Variants in ROBO1 observed in about 807,000 individuals in gnomAD.
ROBO1 encodes the protein roundabout guidance receptor 1.
Under a neutral mutation model 195.9 loss-of-function variants are expected in ROBO1, and 149 were observed. The ratio of observed to expected loss-of-function variants is 0.76; its 90% CI spans 0.67 to 0.87. The LOEUF (loss-of-function observed/expected upper bound fraction) is 0.87. ROBO1 is among the 40% of genes least tolerant of loss of function. The pLI is 0.00. For synonymous variants in ROBO1, 816 were observed against 733.2 expected (o/e 1.11, Z -1.82); for missense variants, 1,933 against 2,068.3 (o/e 0.93, Z 1.27).
chr3:78,724,403 C>G (rs1027790078), intron 5 of ROBO1, among the ~76,000 whole-genome samples: 1 of 151,364 alleles, frequency 6.6e-6, no homozygotes, highest in Non-Finnish European at 1.5e-5. Flanking sequence ...TGGTCAGGCA[C>G]AGTGGCTCAC....
chr3:79,135,485 A>C (rs1315906991), intron 2 of ROBO1, among the ~76,000 whole-genome samples: 2 of 152,206 alleles, frequency 1.3e-5, no homozygotes, highest in African/African-American at 2.4e-5. Context: ...AAGTTTCCAG[A>C]AAAAATAACA....
intron 2 of ROBO1, among the ~76,000 whole-genome samples, chr3:79,452,385 C>A (rs574520347): frequency 6.6e-6 from 1 of 152,226 alleles, no homozygotes; most frequent in South Asian, 2.1e-4. Flanking sequence ...GAGAGGCCTT[C>A]TCTTATCTCC....
intron 2 of ROBO1, among the ~76,000 whole-genome samples, chr3:79,300,157 G>A (rs2032831385): frequency 2.6e-5 from 4 of 152,210 alleles, no homozygotes; most frequent in African/African-American, 9.6e-5. Context: ...TGCAGTGTGG[G>A]AGCCCCTTCC....
chr3:79,356,752 G>A (rs2035569284), intron 2 of ROBO1, among the ~76,000 whole-genome samples: 1 of 152,116 alleles, frequency 6.6e-6, no homozygotes, highest in African/African-American at 2.4e-5. Context: ...AAATGTGCTA[G>A]TGTGTAGTTT....
intron 3 of ROBO1, among the ~76,000 whole-genome samples, chr3:78,958,112 A>G (rs190526058): frequency 3.3e-5 from 5 of 152,328 alleles, no homozygotes; most frequent in East Asian, 3.9e-4. Context: ...TGAAAAAATA[A>G]GAGGATTTTT....
intron 3 of ROBO1, among the ~76,000 whole-genome samples, chr3:79,049,212 T>A (rs182703752): frequency 6.6e-6 from 1 of 152,152 alleles, no homozygotes; most frequent in Non-Finnish European, 1.5e-5. Context: ...AGTGACCTGA[T>A]GGAGCTCAAA....
rs186296379 is a variant in ROBO1 at position 79,291,448 on chromosome 3, T to A, written c.89-165909A>T. ...TAATTTCAAAAATCATCTTCCAGAATCTACCTTAAGCCCATACCTTTTATT... is the reference window on the plus strand; with the variant it reads ...TAATTTCAAAAATCATCTTCCAGAAACTACCTTAAGCCCATACCTTTTATT... On this transcript the variant is annotated intron_variant, in intron 2 of 30. Transcript: ENST00000464233. 2.5e-3 allele frequency among the ~76,000 whole-genome samples: 376 copies of A among 152,296 alleles called. 19 individuals are homozygous for A. The South Asian group carries it at 0.076, about 31-fold the overall frequency.
At chr3:79,068,101 A>G (rs1465443385) in intron 3 of ROBO1, among the ~76,000 whole-genome samples, 3 of 151,936 alleles carry the variant, frequency 2.0e-5, no homozygotes, top group Non-Finnish European at 4.4e-5. Context: ...GCCCTATGTT[A>G]TTGGCCACAT....
chr3:79,467,825 G>A (rs1938050444), intron 2 of ROBO1, among the ~76,000 whole-genome samples: 1 of 152,160 alleles, frequency 6.6e-6, no homozygotes, highest in Non-Finnish European at 1.5e-5. Flanking sequence ...GACTGCCGTG[G>A]GGCTAGAGCC....
rs1027774709 is a variant in ROBO1, at chr3:78,998,149, G to A, written c.173-59222C>T. 1.1e-4 allele frequency among the ~76,000 whole-genome samples: 16 copies of A among 152,174 alleles called. No homozygotes were observed. The South Asian group carries it at 2.5e-3, about 24-fold the overall frequency. On this transcript the variant is annotated intron_variant, in intron 3 of 30. Coordinates refer to ENST00000464233, the MANE Select transcript of ROBO1 (RefSeq NM_002941.4). The stretch of plus-strand genomic sequence containing the variant: ...AATCAATAGTGTATATTGCAATTGC[G>A]ACGTACTTATCAAAGAGTAAACTTG...
At chr3:79,099,434 T>C (rs2079633644) in intron 3 of ROBO1, among the ~76,000 whole-genome samples, 1 of 151,706 alleles carries the variant, frequency 6.6e-6, no homozygotes, top group South Asian at 2.1e-4. Context: ...TAAGACCTTT[T>C]GGAGCAAGTC....
At chr3:79,225,370 T>C (rs776180941) in intron 2 of ROBO1, among the ~76,000 whole-genome samples, 33 of 152,190 alleles carry the variant, frequency 2.2e-4, no homozygotes, top group South Asian at 6.2e-4. Flanking sequence ...GATTGTCTAG[T>C]TAATGGAAAA....
intron 2 of ROBO1, among the ~76,000 whole-genome samples, chr3:79,516,803 TATTTGA>T (rs1940964490): frequency 1.3e-5 from 2 of 152,198 alleles, no homozygotes; most frequent in Non-Finnish European, 1.5e-5. Context: ...AATTCACATG[TATTTGA>T]ATTTATCTAC....
At chr3:79,107,127 TCA>T (rs369021063) in intron 3 of ROBO1, among the ~76,000 whole-genome samples, 51,433 of 135,474 alleles carry the variant, frequency 0.38, 9,643 homozygotes, top group Admixed American at 0.51. Flanking sequence ...TCTCTCTCTC[TCA>T]CACACACACA....
intron 1 of ROBO1, among the ~76,000 whole-genome samples, chr3:79,741,709 G>T (rs750507763): frequency 2.6e-5 from 4 of 152,130 alleles, no homozygotes; most frequent in Non-Finnish European, 5.9e-5. Context: ...GGAGGACTCA[G>T]AAAAAGACAT....
At chr3:79,273,590 A>C (rs1405518404) in intron 2 of ROBO1, among the ~76,000 whole-genome samples, 1 of 152,062 alleles carries the variant, frequency 6.6e-6, no homozygotes, top group Non-Finnish European at 1.5e-5. Context: ...GAAGACAGAA[A>C]GGAATGAAAG....
rs539092938 is a variant in ROBO1 at position 78,671,410 on chromosome 3, G to T, written c.1343-1109C>A. Among the ~76,000 whole-genome samples, 13 of 152,002 alleles carry T rather than the reference G, an allele frequency of 8.6e-5. No homozygotes were observed. In the East Asian group the frequency reaches 2.3e-3, roughly 27 times the overall value. On this transcript the variant is annotated intron_variant, in intron 10 of 30. Coordinates refer to ENST00000464233, the MANE Select transcript of ROBO1 (RefSeq NM_002941.4). ...TAAAAGACACAAATGTACAAAGAAAGATTCTAAGTTGCCTGGTTAAAGAAA... is the reference window on the plus strand; with the variant it reads ...TAAAAGACACAAATGTACAAAGAAATATTCTAAGTTGCCTGGTTAAAGAAA...
intron 2 of ROBO1, among the ~76,000 whole-genome samples, chr3:79,553,433 T>C (rs1011941740): frequency 3.9e-4 from 59 of 152,026 alleles, no homozygotes; most frequent in Admixed American, 8.5e-4. Flanking sequence ...GATTTCTCTC[T>C]GAAAAGGTAA....
chr3:79,057,352 T>C (rs903942756), intron 3 of ROBO1, among the ~76,000 whole-genome samples: 1 of 152,034 alleles, frequency 6.6e-6, no homozygotes, highest in East Asian at 1.9e-4. Flanking sequence ...CAGGAGATCA[T>C]CAATCCCCTG....
Sources: allele counts gnomAD v4.1 joint callset (sites outside exome capture counted in the v4.1 genomes callset), GRCh38; gene constraint gnomAD v4.1.1; transcripts MANE v1.5; gene names NCBI Gene and HGNC (gene_info 2026-07-23, HGNC 2026-07-21).